The following BET1 variants were observed in gnomAD, a reference collection of about 807,000 sequenced individuals.
The protein encoded by BET1 is BET1 homolog.
Under a neutral mutation model 13.9 loss-of-function variants are expected in BET1, and 9 were observed. The ratio of observed to expected loss-of-function variants is 0.65; its 90% CI spans 0.39 to 1.13. The LOEUF (loss-of-function observed/expected upper bound fraction) is 1.13, where lower values mean the gene tolerates loss of function less well. Ranked by LOEUF, BET1 falls within the 50% of genes most tolerant of loss-of-function variation. The pLI, the probability that BET1 is intolerant of heterozygous loss-of-function variation, is 0.01. For synonymous variants in BET1, 39 were observed against 47.3 expected (o/e 0.82, Z 0.72); for missense variants, 127 against 133.6 (o/e 0.95, Z 0.24).
At chr7:93,977,699 G>A (rs1320664524) in intron 4 of BET1, among the ~76,000 whole-genome samples, 2 of 152,020 alleles carry the variant, frequency 1.3e-5, no homozygotes, top group Non-Finnish European at 2.9e-5. Flanking sequence ...TTCCTAAATT[G>A]GAACTCCCAC....
At chr7:93,979,901 A>G (rs961197450) in intron 4 of BET1, among the ~76,000 whole-genome samples, 2 of 151,942 alleles carry the variant, frequency 1.3e-5, no homozygotes, top group African/African-American at 4.8e-5. Context: ...TGCAGCCCAC[A>G]TGCACTTGCC....
downstream of BET1, among the ~76,000 whole-genome samples, chr7:93,991,024 C>T (rs1282642355): frequency 6.6e-6 from 1 of 151,920 alleles, no homozygotes; most frequent in Admixed American, 6.6e-5. Context: ...GATACAGATG[C>T]CAATATATAT....
At chr7:93,972,174 C>T (rs1795267989) in intron 6 of BET1, among the ~76,000 whole-genome samples, 1 of 151,818 alleles carries the variant, frequency 6.6e-6, no homozygotes, top group African/African-American at 2.4e-5. Context: ...AGAGTGTGAG[C>T]TGCCATCCAT....
chr7:93,992,626 T>G (rs1432792972), downstream of BET1: 1 of 985,100 alleles, frequency 1.0e-6, no homozygotes, highest in Non-Finnish European at 1.2e-6. Flanking sequence ...AGGTATTTCA[T>G]CACCTTGAAG....
At chr7:93,977,130 A>ACT (rs1795349740) in intron 4 of BET1, among the ~76,000 whole-genome samples, 3 of 152,086 alleles carry the variant, frequency 2.0e-5, no homozygotes, top group Admixed American at 2.0e-4. Context: ...AATCTGGATG[A>ACT]AGTTTCGTCT....
chr7:93,974,103 C>A (rs1795300934), intron 5 of BET1, among the ~76,000 whole-genome samples: 1 of 151,684 alleles, frequency 6.6e-6, no homozygotes, highest in Admixed American at 6.6e-5. Context: ...TTCTCTTTGT[C>A]TATAATAGAA....
At chr7:93,991,893 A>G (rs2116104037), downstream of BET1, 1 of 976,252 alleles carries the variant, frequency 1.0e-6, no homozygotes, top group Non-Finnish European at 1.2e-6. Flanking sequence ...TCAAAGAAGT[A>G]AATTCAATAT....
At chr7:93,982,733 T>C (rs1795449669) in intron 4 of BET1, among the ~76,000 whole-genome samples, 1 of 152,136 alleles carries the variant, frequency 6.6e-6, no homozygotes, top group African/African-American at 2.4e-5. Flanking sequence ...AAGGTCACAT[T>C]TTGAGGTTCT....
At chr7:94,000,785 T>G (rs189429092) in intron 1 of BET1, among the ~76,000 whole-genome samples, 1 of 152,198 alleles carries the variant, frequency 6.6e-6, no homozygotes, top group Admixed American at 6.5e-5. Context: ...GGACAGATAT[T>G]AAAGCAGATT....
At chr7:93,987,867 G>A (rs1198922915) in intron 4 of BET1, among the ~76,000 whole-genome samples, 1 of 152,106 alleles carries the variant, frequency 6.6e-6, no homozygotes, top group Non-Finnish European at 1.5e-5. Context: ...TGTAGACATG[G>A]CATTCAATTT....
rs537588816 is a variant in BET1, at chr7:93,999,399, A to G, written c.20-105T>C. The G allele has an allele frequency of 3.2e-5, 43 of 1,363,856 alleles. No homozygotes were observed. The African/African-American group carries it at 3.8e-4, about 12-fold the overall frequency. 84.5% of individuals were successfully genotyped at this position (1,363,856 alleles called of 1,614,324 possible). ...ACCCCTGGAGGGCCTTGCAAACCAC[A>G]TATGTCTCTAATATTCATACTCCAA... On this transcript the variant is annotated intron_variant, in intron 1 of 3. Transcript: ENST00000222547.
chr7:93,992,500 A>T, downstream of BET1: 1 of 985,270 alleles, frequency 1.0e-6, no homozygotes, highest in Non-Finnish European at 1.2e-6. Flanking sequence ...AATTATTGAC[A>T]ATGATTTCTG....
chr7:93,973,918 A>G (rs1795298297), intron 5 of BET1, among the ~76,000 whole-genome samples: 1 of 152,070 alleles, frequency 6.6e-6, no homozygotes, highest in South Asian at 2.1e-4. Context: ...TTGGAAAACA[A>G]TATTTTGATT....
At chr7:94,003,449 G>C (rs1562810613) in intron 1 of BET1, among the ~76,000 whole-genome samples, 1 of 143,432 alleles carries the variant, frequency 7.0e-6, no homozygotes, top group Non-Finnish European at 1.5e-5. Context: ...TAATTTAGCG[G>C]GGTCTTCTTT....
chr7:93,980,540 T>G (rs1288253134), intron 4 of BET1, among the ~76,000 whole-genome samples: 1 of 152,116 alleles, frequency 6.6e-6, no homozygotes, highest in African/African-American at 2.4e-5. Flanking sequence ...AAAAATCACA[T>G]GAGAAAAGCA....
chr7:93,999,238 T>A lies in BET1; in HGVS notation c.76A>T (p.Ser26Cys). 1 of 1,613,552 alleles carries A rather than the reference T, an allele frequency of 6.2e-7. No individual in the cohort carries two copies. Among genetic ancestry groups the A allele is most frequent in the Non-Finnish European group, 8.5e-7 (1 of 1,179,642 alleles). ...CTCTCATTTTCTTCTTCACAGGCAC[T>A]ATACCCACTATTAGCATAGCCATAG... ...GNYGYANSGY[S>C]ACEEENERLT... Residue 26 changes from serine (S) to cysteine (C), a missense_variant, in exon 2 of 4, where the codon AGT becomes TGT. Physicochemically the swap from Ser to Cys is moderately radical, Grantham distance 112 (BLOSUM62 -1). Transcript: ENST00000222547.
At chr7:93,974,571 G>T (rs1795308038) in intron 5 of BET1, among the ~76,000 whole-genome samples, 1 of 151,968 alleles carries the variant, frequency 6.6e-6, no homozygotes, top group Non-Finnish European at 1.5e-5. Context: ...AATGTAATTG[G>T]ATTATAATCC....
chr7:93,990,850 C>G (rs1222413971), downstream of BET1, among the ~76,000 whole-genome samples: 1 of 150,178 alleles, frequency 6.7e-6, no homozygotes, highest in Non-Finnish European at 1.5e-5. Flanking sequence ...TTTTTTCGGT[C>G]AGAAACATTT....
chr7:93,998,377 G>C (rs1398418003), intron 2 of BET1, among the ~76,000 whole-genome samples: 1 of 152,158 alleles, frequency 6.6e-6, no homozygotes, highest in East Asian at 1.9e-4. Context: ...GATAGGTTAA[G>C]ATGTTCTTCC....
Sources: allele counts gnomAD v4.1 joint callset (sites outside exome capture counted in the v4.1 genomes callset), GRCh38; gene constraint gnomAD v4.1.1; transcripts MANE v1.5; gene names NCBI Gene and HGNC (gene_info 2026-07-23, HGNC 2026-07-21).